KLF3: variants seen among roughly 807,000 people sequenced by gnomAD.
The protein encoded by KLF3 is KLF transcription factor 3, also known as Krueppel-like factor 3.
Under a neutral mutation model 32.7 loss-of-function variants are expected in KLF3, and 6 were observed. The ratio of observed to expected loss-of-function variants is 0.18; its 90% CI spans 0.10 to 0.36. KLF3 has a LOEUF of 0.36. Among genes scored for constraint, KLF3 ranks in the 10% least tolerant of loss-of-function variants. KLF3 has a pLI of 1.00. For synonymous variants in KLF3, 145 were observed against 172.8 expected, an observed-to-expected ratio of 0.84 and a Z score of 1.26; for missense variants, 338 against 449.7, an observed-to-expected ratio of 0.75 and a Z score of 2.25.
chr4:38,670,578 T>C (rs1419240089), intron 1 of KLF3, among the ~76,000 whole-genome samples: 1 of 152,270 alleles, frequency 6.6e-6, no homozygotes, highest in Non-Finnish European at 1.5e-5. Flanking sequence ...TTTGCATCCC[T>C]GGTACCTTCC....
At chr4:38,686,257 C>T (rs1271550548) in intron 2 of KLF3, among the ~76,000 whole-genome samples, 1 of 151,808 alleles carries the variant, frequency 6.6e-6, no homozygotes, top group Non-Finnish European at 1.5e-5. Flanking sequence ...CCAGCCTGGA[C>T]AACATGACAA....
intron 2 of KLF3, among the ~76,000 whole-genome samples, chr4:38,686,026 G>A (rs1433593200): frequency 1.3e-5 from 2 of 152,060 alleles, no homozygotes; most frequent in African/African-American, 4.8e-5. Context: ...GTGCGTGCCT[G>A]GCTTTAAAGA....
At chr4:38,669,498 A>G (rs1324815220) in intron 1 of KLF3, among the ~76,000 whole-genome samples, 1 of 152,140 alleles carries the variant, frequency 6.6e-6, no homozygotes, top group African/African-American at 2.4e-5. Context: ...TTTACCCCCA[A>G]CTCAGCTCTC....
chr4:38,695,186 C>T (rs766638567), intron 5 of KLF3, among the ~76,000 whole-genome samples: 9 of 148,188 alleles, frequency 6.1e-5, no homozygotes, highest in Non-Finnish European at 1.2e-4. Flanking sequence ...TTGGAGCCTT[C>T]GCCGCTGGAA....
In KLF3 at chr4:38,688,154, C is replaced by G. The variant is rs1341672839; in HGVS notation, c.58-431C>G. 6.6e-6 allele frequency among the ~76,000 whole-genome samples: 1 copy of G among 152,206 alleles called. No homozygotes were observed. The highest frequency in any genetic ancestry group is 6.5e-5 in the Admixed American group (1 of 15,276). On this transcript the variant is annotated intron_variant, in intron 2 of 5. Coordinates refer to ENST00000261438, the MANE Select transcript of KLF3 (RefSeq NM_016531.6). This position sits in a 1 kb window ranked among gnomAD's most constrained non-coding sequence, Gnocchi z 4.9. Reference sequence around the variant, plus strand: ...CATCAAAGCTAGAGAGCATTTCCTGCTCATCAAGAAACCCCACCAGAAAAG... The same window carrying G: ...CATCAAAGCTAGAGAGCATTTCCTGGTCATCAAGAAACCCCACCAGAAAAG...
intron 2 of KLF3, among the ~76,000 whole-genome samples, chr4:38,687,534 T>C (rs889546842): frequency 6.6e-6 from 1 of 152,198 alleles, no homozygotes; most frequent in Non-Finnish European, 1.5e-5. Context: ...ATGAGGTCAG[T>C]TGTGGACCAG....
intron 2 of KLF3, among the ~76,000 whole-genome samples, chr4:38,682,862 G>A: frequency 6.6e-6 from 1 of 152,282 alleles, no homozygotes; most frequent in East Asian, 1.9e-4. Context: ...GACACTTTTA[G>A]AATTTAGTTT....
At chr4:38,673,037 TC>T (rs1190474653) in intron 1 of KLF3, among the ~76,000 whole-genome samples, 2 of 152,194 alleles carry the variant, frequency 1.3e-5, no homozygotes, top group African/African-American at 4.8e-5. Flanking sequence ...AAAATGCTTT[TC>T]TCTTTCTTTT....
rs980826969 is a variant in KLF3, at chr4:38,674,432, G to A, written c.-39-6155G>A. Among the ~76,000 whole-genome samples, 1 of 125,884 alleles carries A rather than the reference G, an allele frequency of 7.9e-6. No individual in the cohort carries two copies. The highest frequency in any genetic ancestry group is 2.8e-5 in the African/African-American group (1 of 35,616). The allele number at this position is 125,884 out of a possible 152,430, so 82.6% of individuals were successfully genotyped here. Reference sequence around the variant, plus strand: ...AATTACACACACACATGCACACACCGCCTTTTTTTTTTTTCTTTTTTTGCC... The same window carrying A: ...AATTACACACACACATGCACACACCACCTTTTTTTTTTTTCTTTTTTTGCC... On this transcript the variant is annotated intron_variant, in intron 1 of 5. Coordinates refer to ENST00000261438, the MANE Select transcript of KLF3 (RefSeq NM_016531.6). This position sits in a 1 kb window ranked among gnomAD's most constrained non-coding sequence, Gnocchi z 4.1.
chr4:38,683,588 T>C (rs1490451551), intron 2 of KLF3, among the ~76,000 whole-genome samples: 1 of 151,354 alleles, frequency 6.6e-6, no homozygotes, highest in Non-Finnish European at 1.5e-5. Flanking sequence ...GAAAAAATTA[T>C]AAAATATGAA....
At position 38,701,443 on chromosome 4, in the gene KLF3, A is replaced by AT. The variant is rs1723188548; in HGVS notation, c.*4180_*4181insT. 1.3e-5 allele frequency among the ~76,000 whole-genome samples: 2 copies of AT among 152,158 alleles called. No individual in the cohort carries two copies. Among genetic ancestry groups the AT allele is most frequent in the African/African-American group, 4.8e-5 (2 of 41,438 alleles). ...TAAACTTTTAGAGTAAAATATCAAG[A>AT]CTCTCATGTTGGGGAGTGGGGAACG... On this transcript the variant is annotated 3_prime_UTR_variant, in exon 6 of 6. Coordinates refer to ENST00000261438, the MANE Select transcript of KLF3 (RefSeq NM_016531.6).
At chr4:38,689,444 G>A (rs1275162887) in intron 3 of KLF3, among the ~76,000 whole-genome samples, 5 of 152,184 alleles carry the variant, frequency 3.3e-5, no homozygotes, top group African/African-American at 1.2e-4. Context: ...TTGTTTATCA[G>A]CTGGTCATAG....
Position 38,689,861 on chromosome 4 carries a change from C to A in KLF3, c.677C>A (p.Pro226Gln). Residue 226 changes from proline (P) to glutamine (Q), a missense_variant, in exon 4 of 6, where the codon CCG (proline) becomes CAG (glutamine). Transcript: ENST00000261438. ...CCCTTAATGAACTCAGTGTCCCCCC[C>A]GCAAGCATTGTTGCAAGAGTAAGTA... ...SPPLMNSVSPPQALLQENHPS... is the reference protein window; with the variant it reads ...SPPLMNSVSPQQALLQENHPS... The A allele has an allele frequency of 2.0e-6, 3 of 1,477,074 alleles. No individual in the cohort carries two copies. The highest frequency in any genetic ancestry group is 2.7e-6 in the Non-Finnish European group (3 of 1,097,676). 91.5% of individuals were successfully genotyped at this position (1,477,074 alleles called of 1,614,324 possible). A position where few individuals can be genotyped will look rare whatever the true frequency, so the allele number is the denominator to read the frequency against.
chr4:38,690,188 A>C (rs759905586), intron 4 of KLF3: 2 of 321,668 alleles, frequency 6.2e-6, no homozygotes, highest in Middle Eastern at 8.3e-4. Context: ...ATGTATACTT[A>C]GTTTTTCCAT....
intron 2 of KLF3, among the ~76,000 whole-genome samples, chr4:38,686,666 A>G (rs1722709134): frequency 6.6e-6 from 1 of 152,174 alleles, no homozygotes; most frequent in South Asian, 2.1e-4. Context: ...TGGGAGCAGT[A>G]GAGCCCGTGA....
chr4:38,679,144 T>C (rs1168317465), intron 1 of KLF3, among the ~76,000 whole-genome samples: 1 of 152,192 alleles, frequency 6.6e-6, no homozygotes, highest in African/African-American at 2.4e-5. Flanking sequence ...TACAATAGGC[T>C]CATTTCCTAA....
At chr4:38,669,250 TAAAAC>T (rs988777212) in intron 1 of KLF3, among the ~76,000 whole-genome samples, 6 of 152,230 alleles carry the variant, frequency 3.9e-5, no homozygotes, top group African/African-American at 7.2e-5. Flanking sequence ...CCTAGAATCT[TAAAAC>T]AATTGATATC....
At chr4:38,664,484 C>T (rs1721931454) in intron 1 of KLF3, 23 bp downstream of exon 1, 1 of 152,514 alleles carries the variant, frequency 6.6e-6, no homozygotes, top group African/African-American at 2.4e-5. Flanking sequence ...TCCCTCACCT[C>T]TGCTCCGCAC....
intron 1 of KLF3, among the ~76,000 whole-genome samples, chr4:38,676,431 A>G (rs572054543): frequency 3.9e-4 from 60 of 152,244 alleles, no homozygotes; most frequent in African/African-American, 1.4e-3. Flanking sequence ...ACAGAGTGGG[A>G]CTCCATCTCA....
Sources: allele counts gnomAD v4.1 joint callset (sites outside exome capture counted in the v4.1 genomes callset), GRCh38; gene constraint gnomAD v4.1.1; non-coding constraint Gnocchi (gnomAD v3.1); transcripts MANE v1.5; gene names NCBI Gene and HGNC (gene_info 2026-07-23, HGNC 2026-07-21).